Variants in TTC7A observed in about 807,000 individuals in gnomAD.
TTC7A encodes the protein tetratricopeptide repeat domain 7A, also known as tetratricopeptide repeat protein 7A.
TTC7A carries 110 observed loss-of-function variants against 103.7 expected under a neutral mutation model. That is an observed-to-expected ratio of 1.06 (90% CI 0.91 to 1.24). The LOEUF is 1.24. Ranked by LOEUF, TTC7A falls within the 50% of genes most tolerant of loss-of-function variation. The pLI, the probability that TTC7A is intolerant of heterozygous loss-of-function variation, is 0.00. For missense variants in TTC7A, 1,340 were observed against 1,116.3 expected (o/e 1.20, Z -2.86); for synonymous variants, 521 against 467.9 (o/e 1.11, Z -1.47).
In TTC7A at chr2:47,006,014, G is replaced by C. The variant is rs749815879; in HGVS notation, c.1158G>C (p.Leu386=). ...LQNAAAIYDL[L]SITLGRRGQY... ...ATGCCGCAGCCATCTATGACCTCCTGAGCATCACGTTGGGCAGAAGGGGAC... is the reference window on the plus strand; with the variant it reads ...ATGCCGCAGCCATCTATGACCTCCTCAGCATCACGTTGGGCAGAAGGGGAC... Residue 386 remains leucine, a synonymous_variant, in exon 9 of 20, where the codon CTG becomes CTC. Transcript: ENST00000319190. 1 of 1,614,044 alleles carries C rather than the reference G, an allele frequency of 6.2e-7. No homozygotes were observed. The highest frequency in any genetic ancestry group is 1.3e-5 in the African/African-American group (1 of 74,990).
rs552178090 is a variant in TTC7A, at chr2:47,071,464, G to A, written c.2356-2238G>A. Among the ~76,000 whole-genome samples, 14 of 152,306 alleles carry A rather than the reference G, an allele frequency of 9.2e-5. No homozygotes were observed. The South Asian group carries it at 1.0e-3, about 11-fold the overall frequency. ...AGGACCCTCTGCTCATCTTGAAGGC[G>A]CTGCTGTTTGCTGTCTGCCCCCGCG... On this transcript the variant is annotated intron_variant, in intron 19 of 19. Transcript: ENST00000319190.
rs770187483 is a variant in TTC7A at position 47,011,362 on chromosome 2, G to A, written c.1319G>A (p.Cys440Tyr). The A allele has an allele frequency of 1.9e-6, 3 of 1,613,214 alleles. No homozygotes were observed. Among genetic ancestry groups the A allele is most frequent in the African/African-American group, 1.3e-5 (1 of 74,910 alleles). Residue 440 changes from cysteine to tyrosine, a missense_variant, in exon 11 of 20, where the codon TGT (cysteine) becomes TAT (tyrosine). Coordinates refer to ENST00000319190, the MANE Select transcript of TTC7A (RefSeq NM_020458.4). ...TACGCTGTGTCCCTGCTGCGGGAGT[G>A]TGTGAAGTTGCGGCCCTCGGACCCC... is the stretch of plus-strand genomic sequence containing the variant. ...SAYAVSLLRE[C>Y]VKLRPSDPTV...
chr2:47,031,020 G>C (rs151306056), intron 15 of TTC7A, among the ~76,000 whole-genome samples: 1,846 of 152,302 alleles, frequency 0.012, 43 homozygotes, highest in African/African-American at 0.043. Context: ...GATGGCAGGT[G>C]CCTGTAATCC....
intron 19 of TTC7A, among the ~76,000 whole-genome samples, chr2:47,069,311 C>T (rs1387782609): frequency 1.3e-5 from 2 of 152,224 alleles, no homozygotes; most frequent in Non-Finnish European, 2.9e-5. Context: ...CCCTGCCCCT[C>T]TGAAAACAGA....
intron 2 of TTC7A, among the ~76,000 whole-genome samples, chr2:46,925,030 C>A (rs1669314719): frequency 6.6e-6 from 1 of 152,192 alleles, no homozygotes. Flanking sequence ...AACAAATTGG[C>A]CTTTAGGGAT....
intron 6 of TTC7A, 107 bp from the exon 7 acceptor site, chr2:46,994,250 C>G: frequency 7.3e-7 from 1 of 1,371,292 alleles, no homozygotes; most frequent in South Asian, 1.4e-5. Flanking sequence ...AAGGGCCGCA[C>G]ATTGCAAGCG....
intron 2 of TTC7A, among the ~76,000 whole-genome samples, chr2:46,917,603 AT>A (rs1010316688): frequency 6.6e-6 from 1 of 152,046 alleles, no homozygotes; most frequent in Non-Finnish European, 1.5e-5. Flanking sequence ...CAGTGCTTTC[AT>A]TTTTTTCCTA....
At chr2:47,072,202 C>A (rs564183787) in intron 19 of TTC7A, among the ~76,000 whole-genome samples, 1 of 152,314 alleles carries the variant, frequency 6.6e-6, no homozygotes, top group African/African-American at 2.4e-5. Context: ...TCCCATCTGG[C>A]GAGAGCGTAA....
chr2:46,997,668 C>T (rs1676357007), intron 8 of TTC7A, among the ~76,000 whole-genome samples: 2 of 152,160 alleles, frequency 1.3e-5, no homozygotes, highest in African/African-American at 4.8e-5. Flanking sequence ...CTGGTACTTC[C>T]CTTGCCCACT....
intron 14 of TTC7A, among the ~76,000 whole-genome samples, chr2:47,027,822 G>A (rs1241689333): frequency 2.6e-5 from 4 of 152,228 alleles, no homozygotes; most frequent in Admixed American, 6.5e-5. Flanking sequence ...CCACCTCACA[G>A]GTCACATGGG....
At chr2:47,011,776 G>T (rs116129829) in intron 11 of TTC7A, among the ~76,000 whole-genome samples, 1 of 152,236 alleles carries the variant, frequency 6.6e-6, no homozygotes, top group Non-Finnish European at 1.5e-5. Context: ...CATTTCTGAG[G>T]CTTCAGATGA....
chr2:46,983,883 G>A (rs1300561252), intron 5 of TTC7A, among the ~76,000 whole-genome samples: 2 of 152,210 alleles, frequency 1.3e-5, no homozygotes, highest in African/African-American at 2.4e-5. Context: ...TAGGCACGAA[G>A]GCCAGAGGAG....
intron 8 of TTC7A, among the ~76,000 whole-genome samples, chr2:46,998,653 A>G (rs1676475362): frequency 6.6e-6 from 1 of 152,224 alleles, no homozygotes; most frequent in African/African-American, 2.4e-5. Flanking sequence ...TGCTGCAGTG[A>G]AAGCTTTTTC....
At chr2:47,001,025 A>C (rs1468611910) in intron 8 of TTC7A, among the ~76,000 whole-genome samples, 2 of 152,076 alleles carry the variant, frequency 1.3e-5, no homozygotes, top group Non-Finnish European at 2.9e-5. Context: ...TCTGGGCTCT[A>C]ATTTAGGTCC....
intron 5 of TTC7A, among the ~76,000 whole-genome samples, chr2:46,986,419 G>A (rs1457786646): frequency 6.6e-6 from 1 of 152,136 alleles, no homozygotes; most frequent in Non-Finnish European, 1.5e-5. Flanking sequence ...TGCGGGGTTC[G>A]AGCTATGGCC....
chr2:47,066,377 G>C (rs180966001), intron 19 of TTC7A, among the ~76,000 whole-genome samples: 314 of 152,230 alleles, frequency 2.1e-3, no homozygotes, highest in African/African-American at 7.1e-3. Context: ...TGCCACCCCT[G>C]GTACCTCCCA....
chr2:47,014,725 G>C (rs902396529), intron 11 of TTC7A, among the ~76,000 whole-genome samples: 9 of 152,268 alleles, frequency 5.9e-5, no homozygotes, highest in Non-Finnish European at 4.4e-5. Flanking sequence ...AGCAGGCCCA[G>C]CCAAGCCCCA....
chr2:47,020,312 C>T (rs185224578), intron 11 of TTC7A, among the ~76,000 whole-genome samples: 1 of 152,338 alleles, frequency 6.6e-6, no homozygotes, highest in East Asian at 1.9e-4. Flanking sequence ...TGGCTTCAGG[C>T]CCCAGCAGCC....
At chr2:47,015,004 G>A (rs1678487600) in intron 11 of TTC7A, among the ~76,000 whole-genome samples, 1 of 152,250 alleles carries the variant, frequency 6.6e-6, no homozygotes, top group Non-Finnish European at 1.5e-5. Flanking sequence ...CGTGCTGGCT[G>A]GCTGATTCGG....
Sources: allele counts gnomAD v4.1 joint callset (sites outside exome capture counted in the v4.1 genomes callset), GRCh38; gene constraint gnomAD v4.1.1; transcripts MANE v1.5; gene names NCBI Gene and HGNC (gene_info 2026-07-23, HGNC 2026-07-21).